Variants in SFXN5 observed in about 807,000 individuals in gnomAD.
SFXN5 encodes sideroflexin 5, also known as sideroflexin-5.
Under a neutral mutation model 50.2 loss-of-function variants are expected in SFXN5, and 43 were observed. The ratio of observed to expected loss-of-function variants is 0.86; its 90% CI spans 0.67 to 1.11. The LOEUF is 1.11. Among genes scored for constraint, SFXN5 ranks in the 50% least tolerant of loss-of-function variants. The pLI, the probability that SFXN5 is intolerant of heterozygous loss-of-function variation, is 0.00. For missense variants in SFXN5, 463 were observed against 454.1 expected, an observed-to-expected ratio of 1.02 and a Z score of -0.18; for synonymous variants, 203 against 185.8, an observed-to-expected ratio of 1.09 and a Z score of -0.75.
chr2:72,977,606 C>T (rs1322828107), intron 10 of SFXN5, among the ~76,000 whole-genome samples: 3 of 152,180 alleles, frequency 2.0e-5, no homozygotes, highest in African/African-American at 7.2e-5. Context: ...TTTCTCACAA[C>T]ATGGTGCCTT....
chr2:73,049,315 C>G (rs925762786), intron 2 of SFXN5: 1 of 152,532 alleles, frequency 6.6e-6, no homozygotes, highest in Non-Finnish European at 1.5e-5. Flanking sequence ...GTCACCCAGA[C>G]TGGAGTGCAG....
At chr2:73,069,144 G>A (rs901267611) in intron 1 of SFXN5, among the ~76,000 whole-genome samples, 5 of 152,160 alleles carry the variant, frequency 3.3e-5, no homozygotes, top group African/African-American at 1.2e-4. Context: ...GAAGCCATTG[G>A]AGGGTATTTA....
intron 2 of SFXN5, among the ~76,000 whole-genome samples, chr2:73,051,669 T>C (rs1681349391): frequency 6.6e-6 from 1 of 152,228 alleles, no homozygotes; most frequent in South Asian, 2.1e-4. Flanking sequence ...AGTATCAATT[T>C]CTGTTGTAGT....
chr2:73,011,194 C>T (rs1675454553), intron 6 of SFXN5, among the ~76,000 whole-genome samples: 1 of 152,194 alleles, frequency 6.6e-6, no homozygotes, highest in Non-Finnish European at 1.5e-5. Context: ...ACTGAGACCA[C>T]AGGCGCACAC....
At chr2:73,035,701 T>C (rs2045103477) in intron 3 of SFXN5, among the ~76,000 whole-genome samples, 1 of 152,062 alleles carries the variant, frequency 6.6e-6, no homozygotes, top group East Asian at 1.9e-4. Flanking sequence ...GGTTTCACCA[T>C]ATTGGTCAGG....
At chr2:73,021,136 C>T (rs1213944840) in intron 5 of SFXN5, among the ~76,000 whole-genome samples, 1 of 152,162 alleles carries the variant, frequency 6.6e-6, no homozygotes. Context: ...TCAAGAATTA[C>T]AAGAGAAGCC....
intron 13 of SFXN5, among the ~76,000 whole-genome samples, chr2:72,949,543 T>C (rs1672305856): frequency 6.6e-6 from 1 of 152,138 alleles, no homozygotes; most frequent in Admixed American, 6.5e-5. Context: ...CTTGAATTCT[T>C]GGCCTCAAGT....
chr2:72,945,455 G>T lies in SFXN5; in HGVS notation c.946-356C>A, dbSNP rs1012612841. Among the ~76,000 whole-genome samples, 17 of 151,754 alleles carry T rather than the reference G, an allele frequency of 1.1e-4. No individual in the cohort carries two copies. Among genetic ancestry groups the T allele is most frequent in the Admixed American group, 1.0e-3 (16 of 15,250 alleles). On this transcript the variant is annotated intron_variant, in intron 13 of 13. Coordinates refer to ENST00000272433, the MANE Select transcript of SFXN5 (RefSeq NM_144579.3). The surrounding 1 kb of genome is among the most constrained non-coding windows in gnomAD (Gnocchi z 5.8). ...ACAGCCCTGCCCAGGGCCATTCCCT[G>T]GACCTGATGACCACCCAGGGCTGCT...
At chr2:73,041,226 A>C (rs1679584419) in intron 2 of SFXN5, among the ~76,000 whole-genome samples, 2 of 152,372 alleles carry the variant, frequency 1.3e-5, no homozygotes, top group East Asian at 3.9e-4. Flanking sequence ...CAAATAAACA[A>C]CACACACATA....
chr2:72,988,216 C>T (rs1672139294), intron 10 of SFXN5, 42 bp downstream of exon 10: 3 of 1,578,264 alleles, frequency 1.9e-6, no homozygotes, highest in African/African-American at 1.4e-5. Flanking sequence ...CGGTCCCCCA[C>T]ACCCACCCAC....
chr2:73,040,488 T>C (rs2105922062), intron 3 of SFXN5, among the ~76,000 whole-genome samples: 1 of 152,342 alleles, frequency 6.6e-6, no homozygotes, highest in East Asian at 1.9e-4. Flanking sequence ...AAGTCCTGAT[T>C]TGTAGCATTT....
intron 13 of SFXN5, among the ~76,000 whole-genome samples, chr2:72,951,721 G>T (rs1230483005): frequency 1.3e-5 from 2 of 151,762 alleles, no homozygotes; most frequent in Non-Finnish European, 2.9e-5. Flanking sequence ...GCATGGGGCT[G>T]GGGGGGTGGG....
rs372741588 is a variant in SFXN5, at chr2:72,967,921, C to T, written c.827+527G>A. ...TTCACAGTCATGACAGATATGAGTG[C>T]TTAGAACATCCCTCTGAGGGAGGCA... On this transcript the variant is annotated intron_variant, in intron 12 of 13. Coordinates refer to ENST00000272433, the MANE Select transcript of SFXN5 (RefSeq NM_144579.3). Among the ~76,000 whole-genome samples, 6 of 152,288 alleles carry T rather than the reference C, an allele frequency of 3.9e-5. No homozygotes were observed. The South Asian group carries it at 6.2e-4, about 16-fold the overall frequency.
In SFXN5 at chr2:73,033,951, G is replaced by A. The variant is rs576718463; in HGVS notation, c.249+6903C>T. Among the ~76,000 whole-genome samples the A allele has an allele frequency of 2.4e-3, 363 of 152,166 alleles. 1 individual carries two copies. Among genetic ancestry groups the A allele is most frequent in the African/African-American group, 8.3e-3 (343 of 41,510 alleles). On this transcript the variant is annotated intron_variant, in intron 3 of 13. Coordinates refer to ENST00000272433, the MANE Select transcript of SFXN5 (RefSeq NM_144579.3). ...ACCCTCAGTACACTGGACAGCCCTC[G>A]CAAAAAAGAATAATCTGGCTCCAAA...
At position 72,961,092 on chromosome 2, in the gene SFXN5, CCCCTGCCCTG is replaced by C. The variant is rs59002174; in HGVS notation, c.945+29_945+38del. Reference sequence around the variant, plus strand: ...TTGTTCAGAAATCACCAAACAGCACCCCCTGCCCTGCCCTGCCCTTGAGCCCCTCCCCACT... The same window carrying C: ...TTGTTCAGAAATCACCAAACAGCACCCCCTGCCCTTGAGCCCCTCCCCACT... On this transcript the variant is annotated intron_variant, in intron 13 of 13. Coordinates refer to ENST00000272433, the MANE Select transcript of SFXN5 (RefSeq NM_144579.3). This position sits in a 1 kb window ranked among gnomAD's most constrained non-coding sequence, Gnocchi z 4.4. 6 of 1,375,910 alleles carry C rather than the reference CCCCTGCCCTG, an allele frequency of 4.4e-6. No homozygotes were observed. The highest frequency in any genetic ancestry group is 1.5e-5 in the African/African-American group (1 of 66,122). 85.2% of individuals were successfully genotyped at this position (1,375,910 alleles called of 1,614,324 possible).
chr2:73,069,068 A>C (rs1683385232), intron 1 of SFXN5, among the ~76,000 whole-genome samples: 1 of 152,092 alleles, frequency 6.6e-6, no homozygotes, highest in Non-Finnish European at 1.5e-5. Context: ...AGAAGTAGTC[A>C]GTGGGGTGGG....
At chr2:73,003,140 G>A (rs1674138723) in intron 6 of SFXN5, among the ~76,000 whole-genome samples, 1 of 152,006 alleles carries the variant, frequency 6.6e-6, no homozygotes, top group Non-Finnish European at 1.5e-5. Flanking sequence ...AGCGGGGGTG[G>A]GGATGGGACA....
In SFXN5 at chr2:72,971,697, G is replaced by A. The variant is rs1188153406; in HGVS notation, c.626-12C>T. 6 of 1,602,684 alleles carry A rather than the reference G, an allele frequency of 3.7e-6. No homozygotes were observed. Among genetic ancestry groups the A allele is most frequent in the Non-Finnish European group, 5.1e-6 (6 of 1,169,906 alleles). ...GATATTGGCACTGGCTGCAGAGAGA[G>A]GGGATGCAGAGAGCAGGATGAGGAG... On this transcript the variant is annotated splice_polypyrimidine_tract_variant and intron_variant, in intron 10 of 13. Transcript: ENST00000272433.
intron 10 of SFXN5, among the ~76,000 whole-genome samples, chr2:72,978,285 CTTT>C (rs1190004946): frequency 3.6e-5 from 5 of 139,862 alleles, no homozygotes; most frequent in Non-Finnish European, 3.1e-5. Context: ...CTTTTTCTTT[CTTT>C]TTTTTTTTTT....
Sources: allele counts gnomAD v4.1 joint callset (sites outside exome capture counted in the v4.1 genomes callset), GRCh38; gene constraint gnomAD v4.1.1; non-coding constraint Gnocchi (gnomAD v3.1); transcripts MANE v1.5; gene names NCBI Gene and HGNC (gene_info 2026-07-23, HGNC 2026-07-21).